PTPRT: variants seen among roughly 807,000 people sequenced by gnomAD.
The protein encoded by PTPRT is receptor-type tyrosine-protein phosphatase T.
In PTPRT, 56 loss-of-function variants were observed where a neutral mutation model predicts 176.8. That is an observed-to-expected ratio of 0.32 (90% CI 0.26 to 0.40). The LOEUF (loss-of-function observed/expected upper bound fraction) is 0.40, where lower values mean the gene tolerates loss of function less well. Ranked by LOEUF, PTPRT falls within the 10% of genes least tolerant of loss-of-function variation. PTPRT has a pLI of 1.00. For synonymous variants in PTPRT, 783 were observed against 739.0 expected (o/e 1.06, Z -0.96); for missense variants, 1,540 against 1,908.2 (o/e 0.81, Z 3.60).
chr20:42,196,534 C>T (rs1991223660), intron 16 of PTPRT, among the ~76,000 whole-genome samples: 1 of 152,158 alleles, frequency 6.6e-6, no homozygotes, highest in African/African-American at 2.4e-5. Flanking sequence ...TAATTATAGT[C>T]ACCCTACAGT....
intron 1 of PTPRT, among the ~76,000 whole-genome samples, chr20:43,036,536 AAAG>A (rs1986386577): frequency 6.6e-6 from 1 of 151,332 alleles, no homozygotes; most frequent in Admixed American, 6.6e-5. Flanking sequence ...GAGAAGAAAG[AAAG>A]AGAAAATTTA....
chr20:43,087,360 G>T (rs199700204), intron 1 of PTPRT, among the ~76,000 whole-genome samples: 4 of 50,350 alleles, frequency 7.9e-5, no homozygotes, highest in African/African-American at 5.3e-5. Flanking sequence ...CACACTGTCC[G>T]TCCTTTTTTT....
intron 12 of PTPRT, among the ~76,000 whole-genome samples, chr20:42,292,708 G>A (rs900026908): frequency 6.6e-6 from 1 of 152,112 alleles, no homozygotes; most frequent in African/African-American, 2.4e-5. Flanking sequence ...AGACAATGGG[G>A]CACAGCTTTC....
chr20:43,068,558 C>CACT (rs1485869659), intron 1 of PTPRT, among the ~76,000 whole-genome samples: 2 of 146,908 alleles, frequency 1.4e-5, no homozygotes, highest in Admixed American at 6.8e-5. Flanking sequence ...GTTTGGGACA[C>CACT]ACTGAGTTTG....
intron 6 of PTPRT, among the ~76,000 whole-genome samples, chr20:42,749,947 G>A (rs2076746842): frequency 6.6e-6 from 1 of 152,154 alleles, no homozygotes; most frequent in Non-Finnish European, 1.5e-5. Context: ...GGAGCCCACT[G>A]TTGCCATCCT....
At chr20:42,372,045 G>A (rs887054307) in intron 9 of PTPRT, among the ~76,000 whole-genome samples, 8 of 152,250 alleles carry the variant, frequency 5.3e-5, no homozygotes, top group Non-Finnish European at 8.8e-5. Flanking sequence ...ACTGGGGGGA[G>A]AGTGGAGTCA....
downstream of PTPRT, chr20:42,072,748 C>T (rs115829436): frequency 6.4e-5 from 13 of 204,260 alleles, no homozygotes; most frequent in East Asian, 1.5e-4. Context: ...GACACCAGTA[C>T]GAATATCTTA....
At chr20:42,248,931 G>T in intron 13 of PTPRT, 109 bp from the exon 14 acceptor site, 1 of 1,335,376 alleles carries the variant, frequency 7.5e-7, no homozygotes, top group East Asian at 2.5e-5. Flanking sequence ...CTATGTGCCA[G>T]GCACTGTGCT....
At chr20:42,113,368 A>G (rs954329836) in intron 22 of PTPRT, among the ~76,000 whole-genome samples, 8 of 152,254 alleles carry the variant, frequency 5.3e-5, no homozygotes, top group African/African-American at 1.4e-4. Flanking sequence ...GGCAGATGAG[A>G]CTGGTACCCC....
chr20:43,046,492 C>T (rs1393760869), intron 1 of PTPRT, among the ~76,000 whole-genome samples: 1 of 151,758 alleles, frequency 6.6e-6, no homozygotes, highest in Non-Finnish European at 1.5e-5. Flanking sequence ...TGGCGTGAAC[C>T]CGGGAGGCGG....
chr20:42,166,183 C>A (rs1003045031), intron 16 of PTPRT, among the ~76,000 whole-genome samples: 2 of 152,112 alleles, frequency 1.3e-5, no homozygotes, highest in South Asian at 4.1e-4. Flanking sequence ...AGAGCCAGAT[C>A]AAGTTCTAAA....
intron 6 of PTPRT, chr20:42,685,718 G>T (rs2075680408): frequency 6.6e-6 from 1 of 152,084 alleles, no homozygotes; most frequent in Non-Finnish European, 1.5e-5. Context: ...TTTTCTTAGG[G>T]TTATGAGAAT....
chr20:42,730,533 C>T (rs1392305170), intron 6 of PTPRT, among the ~76,000 whole-genome samples: 2 of 152,198 alleles, frequency 1.3e-5, no homozygotes, highest in Non-Finnish European at 2.9e-5. Context: ...AAGAGAGGAA[C>T]AGAGCAGTTC....
At chr20:42,239,931 C>T (rs1225788505) in intron 14 of PTPRT, among the ~76,000 whole-genome samples, 2 of 152,162 alleles carry the variant, frequency 1.3e-5, no homozygotes, top group Non-Finnish European at 2.9e-5. Flanking sequence ...AGGTCAAAGG[C>T]TTTGTGTATC....
chr20:42,156,705 C>T (rs1989370205), intron 17 of PTPRT, among the ~76,000 whole-genome samples: 1 of 152,186 alleles, frequency 6.6e-6, no homozygotes, highest in South Asian at 2.1e-4. Context: ...TTGGAGTTAC[C>T]CTTAATTCCT....
rs771585486 is a variant in PTPRT, at chr20:42,141,905, G to C, written c.2770+10C>G. The C allele has an allele frequency of 5.6e-6, 9 of 1,611,668 alleles. No individual in the cohort carries two copies. Among genetic ancestry groups the C allele is most frequent in the Non-Finnish European group, 7.6e-6 (9 of 1,177,910 alleles). On this transcript the variant is annotated intron_variant, in intron 18 of 30. Transcript: ENST00000373187. ...ACCTGAAGCTTAGGAGCTCCCAGAA[G>C]GGCACCTACAGGATATGATGTTCCC...
At chr20:42,318,039 A>G (rs1393447712) in intron 11 of PTPRT, among the ~76,000 whole-genome samples, 2 of 152,324 alleles carry the variant, frequency 1.3e-5, no homozygotes, top group East Asian at 3.9e-4. Context: ...TAAATATAAC[A>G]TTCAGATGAA....
At chr20:42,507,979 C>G (rs371464215) in intron 7 of PTPRT, among the ~76,000 whole-genome samples, 1 of 151,884 alleles carries the variant, frequency 6.6e-6, no homozygotes, top group South Asian at 2.1e-4. Context: ...CTTGATGCAG[C>G]CTGGCACTTT....
At chr20:42,522,692 C>T (rs1401023122) in intron 7 of PTPRT, among the ~76,000 whole-genome samples, 3 of 152,146 alleles carry the variant, frequency 2.0e-5, no homozygotes, top group Non-Finnish European at 2.9e-5. Flanking sequence ...AAACCCTGAC[C>T]TCAAATTATC....
Sources: gnomAD v4.1 joint callset for allele counts (sites outside exome capture counted in the v4.1 genomes callset) on GRCh38, gnomAD v4.1.1 for gene constraint, MANE v1.5 for transcripts, NCBI Gene and HGNC (gene_info 2026-07-23, HGNC 2026-07-21) for gene names.